ECT2L: variants seen among roughly 807,000 people sequenced by gnomAD.
ECT2L encodes the protein epithelial cell transforming 2 like.
ECT2L carries 126 observed loss-of-function variants against 122.8 expected under a neutral mutation model. The ratio of observed to expected loss-of-function variants is 1.03; its 90% CI spans 0.89 to 1.19. ECT2L has a LOEUF of 1.19. Among genes scored for constraint, ECT2L ranks in the 50% most tolerant of loss-of-function variants. The pLI is 0.00. For synonymous variants in ECT2L, 385 were observed against 381.8 expected, an observed-to-expected ratio of 1.01 and a Z score of -0.10; for missense variants, 1,012 against 1,064.1, an observed-to-expected ratio of 0.95 and a Z score of 0.68.
intron 1 of ECT2L, among the ~76,000 whole-genome samples, chr6:138,806,439 C>G (rs1277462036): frequency 6.7e-6 from 1 of 150,100 alleles, no homozygotes; most frequent in Non-Finnish European, 1.5e-5. Context: ...TTCTTTGAAA[C>G]TCTTTTACAG....
chr6:138,893,508 C>T (rs1053501868), intron 20 of ECT2L, among the ~76,000 whole-genome samples: 1 of 152,028 alleles, frequency 6.6e-6, no homozygotes, highest in Non-Finnish European at 1.5e-5. Context: ...ACAACCTCTG[C>T]CTCTCAGGCT....
chr6:138,884,810 TG>T (rs954126899), intron 16 of ECT2L, among the ~76,000 whole-genome samples: 8 of 152,058 alleles, frequency 5.3e-5, no homozygotes, highest in African/African-American at 1.4e-4. Flanking sequence ...TGGATAGGAT[TG>T]TTTTTTTTCC....
intron 14 of ECT2L, among the ~76,000 whole-genome samples, chr6:138,876,967 A>G (rs1335313635): frequency 6.6e-6 from 1 of 152,190 alleles, no homozygotes; most frequent in East Asian, 1.9e-4. Context: ...TGTCAAGGGT[A>G]AAGTGTGGAG....
chr6:138,836,794 C>CTG (rs1776857043), intron 4 of ECT2L, among the ~76,000 whole-genome samples: 1 of 152,078 alleles, frequency 6.6e-6, no homozygotes, highest in Non-Finnish European at 1.5e-5. Flanking sequence ...TAATTATATA[C>CTG]TTTGATACTC....
At chr6:138,869,268 A>G (rs1562483922) in intron 13 of ECT2L, among the ~76,000 whole-genome samples, 1 of 152,236 alleles carries the variant, frequency 6.6e-6, no homozygotes, top group Non-Finnish European at 1.5e-5. Flanking sequence ...TCAATAATCT[A>G]AATTCTCTAG....
chr6:138,882,978 C>T, intron 16 of ECT2L, 107 bp downstream of exon 16: 1 of 1,209,138 alleles, frequency 8.3e-7, no homozygotes, highest in Non-Finnish European at 1.2e-6. Context: ...CTGCTCTTAG[C>T]TCCCAGCTGT....
At chr6:138,867,726 G>C (rs1418806339) in intron 12 of ECT2L, among the ~76,000 whole-genome samples, 2 of 151,808 alleles carry the variant, frequency 1.3e-5, no homozygotes, top group African/African-American at 4.8e-5. Context: ...CTACTCAGGA[G>C]GCTGAGGAAG....
At chr6:138,847,235 C>T (rs1367012385) in intron 8 of ECT2L, among the ~76,000 whole-genome samples, 1 of 151,496 alleles carries the variant, frequency 6.6e-6, no homozygotes, top group Non-Finnish European at 1.5e-5. Flanking sequence ...TGCACTCCAA[C>T]CTGGGTGACA....
intron 12 of ECT2L, among the ~76,000 whole-genome samples, chr6:138,867,031 G>A (rs540337153): frequency 7.9e-5 from 12 of 151,964 alleles, no homozygotes; most frequent in Non-Finnish European, 1.0e-4. Flanking sequence ...CTGAGATCGC[G>A]TCACTGCACT....
At chr6:138,822,675 C>G in intron 4 of ECT2L, 1 of 1,366,132 alleles carries the variant, frequency 7.3e-7, no homozygotes, top group Non-Finnish European at 1.0e-6. Flanking sequence ...AGGAACAGCT[C>G]CGGTCTACAG....
intron 14 of ECT2L, among the ~76,000 whole-genome samples, chr6:138,878,422 C>T (rs1164022148): frequency 2.0e-5 from 3 of 151,772 alleles, no homozygotes; most frequent in Admixed American, 6.6e-5. Context: ...GAGCATGCCA[C>T]GAAGGGAGAA....
chr6:138,829,994 G>T (rs982025827), intron 4 of ECT2L, among the ~76,000 whole-genome samples: 1 of 152,250 alleles, frequency 6.6e-6, no homozygotes, highest in Non-Finnish European at 1.5e-5. Context: ...AAAGTGCTGG[G>T]ATTACAGGCG....
chr6:138,827,174 C>T (rs746991546), intron 4 of ECT2L, among the ~76,000 whole-genome samples: 1 of 152,132 alleles, frequency 6.6e-6, no homozygotes, highest in Non-Finnish European at 1.5e-5. Flanking sequence ...TGGTGAAACC[C>T]TGTCTCTACT....
intron 4 of ECT2L, among the ~76,000 whole-genome samples, chr6:138,824,862 C>T (rs557488842): frequency 6.6e-6 from 1 of 152,300 alleles, no homozygotes; most frequent in Non-Finnish European, 1.5e-5. Context: ...CTCTAACCCA[C>T]GATACTCGTT....
chr6:138,831,970 A>T (rs1018335392), intron 4 of ECT2L, among the ~76,000 whole-genome samples: 6 of 152,220 alleles, frequency 3.9e-5, no homozygotes, highest in African/African-American at 1.4e-4. Flanking sequence ...GGAACTTTGT[A>T]TGCTGCATGA....
chr6:138,842,633 G>A (rs534643311), intron 5 of ECT2L, among the ~76,000 whole-genome samples: 5 of 151,562 alleles, frequency 3.3e-5, no homozygotes, highest in African/African-American at 1.2e-4. Context: ...TTAGCCAGGC[G>A]TGGTGGCGGG....
intron 1 of ECT2L, among the ~76,000 whole-genome samples, chr6:138,811,688 T>C (rs1422718198): frequency 3.3e-5 from 5 of 152,132 alleles, no homozygotes; most frequent in Admixed American, 6.5e-5. Flanking sequence ...ATTTATTTTT[T>C]TGAGATGGAC....
At chr6:138,890,375 AG>A (rs1778973302) in intron 20 of ECT2L, among the ~76,000 whole-genome samples, 1 of 151,884 alleles carries the variant, frequency 6.6e-6, no homozygotes, top group Non-Finnish European at 1.5e-5. Flanking sequence ...GTAGCAGGGT[AG>A]GTGGAAGAAA....
chr6:138,898,678 C>G (rs1779292501), intron 20 of ECT2L, among the ~76,000 whole-genome samples: 1 of 152,120 alleles, frequency 6.6e-6, no homozygotes, highest in Non-Finnish European at 1.5e-5. Context: ...CCAGGTAAAT[C>G]AGAAGCAAAT....
Sources: gnomAD v4.1 joint callset for allele counts (sites outside exome capture counted in the v4.1 genomes callset) on GRCh38, gnomAD v4.1.1 for gene constraint, MANE v1.5 for transcripts, NCBI Gene and HGNC (gene_info 2026-07-23, HGNC 2026-07-21) for gene names.